Variants in RYR3 observed in about 807,000 individuals in gnomAD.
RYR3 encodes ryanodine receptor 3, also known as brain ryanodine receptor-calcium release channel.
Under a neutral mutation model 584.3 loss-of-function variants are expected in RYR3, and 207 were observed. The ratio of observed to expected loss-of-function variants is 0.35; its 90% confidence interval spans 0.32 to 0.40. The LOEUF (loss-of-function observed/expected upper bound fraction) is 0.40. Ranked by LOEUF, RYR3 falls within the 10% of genes least tolerant of loss-of-function variation. The probability of loss-of-function intolerance (pLI) is 1.00; values close to 1 mark genes in which losing one functional copy is unlikely to be tolerated. For synonymous variants in RYR3, 2,416 were observed against 2,248.5 expected (o/e 1.07, Z -2.11); for missense variants, 5,616 against 6,089.2 (o/e 0.92, Z 2.59).
intron 1 of RYR3, among the ~76,000 whole-genome samples, chr15:33,419,520 A>G (rs934167019): frequency 3.9e-5 from 6 of 151,972 alleles, no homozygotes; most frequent in Non-Finnish European, 5.9e-5. Context: ...TTTATTTTTA[A>G]TCTGTATGCT....
chr15:33,826,559 T>C, intron 83 of RYR3, 113 bp from the exon 84 acceptor site: 1 of 1,026,694 alleles, frequency 9.7e-7, no homozygotes, highest in Non-Finnish European at 1.5e-6. Context: ...CCAAAGTTCC[T>C]TTTCCAAACC....
chr15:33,328,884 C>T (rs75869793), intron 1 of RYR3, among the ~76,000 whole-genome samples: 1,863 of 152,280 alleles, frequency 0.012, 107 homozygotes, highest in East Asian at 0.12. Flanking sequence ...TCCTCTTTCT[C>T]CCCCTTTTCC....
chr15:33,437,891 T>G (rs550428613), intron 1 of RYR3, among the ~76,000 whole-genome samples: 4 of 152,266 alleles, frequency 2.6e-5, no homozygotes, highest in Admixed American at 2.0e-4. Flanking sequence ...CCTGGCTATT[T>G]TTTAAATTTT....
At chr15:33,805,711 T>C (rs1174180570) in intron 69 of RYR3, among the ~76,000 whole-genome samples, 3 of 151,684 alleles carry the variant, frequency 2.0e-5, no homozygotes, top group South Asian at 2.1e-4. Context: ...TCTCCTGACG[T>C]CATGATCCGC....
chr15:33,374,429 C>A (rs1595889160), intron 1 of RYR3, among the ~76,000 whole-genome samples: 4 of 151,982 alleles, frequency 2.6e-5, no homozygotes, highest in Admixed American at 6.5e-5. Context: ...CCCACACACA[C>A]CCACACGCAT....
chr15:33,463,520 GA>G (rs1231034343), intron 1 of RYR3, among the ~76,000 whole-genome samples: 1 of 152,038 alleles, frequency 6.6e-6, no homozygotes, highest in Non-Finnish European at 1.5e-5. Context: ...TATGAGAATA[GA>G]AAACTTAAAC....
At chr15:33,654,940 G>C (rs1039774359) in intron 32 of RYR3, among the ~76,000 whole-genome samples, 1 of 152,252 alleles carries the variant, frequency 6.6e-6, no homozygotes, top group Non-Finnish European at 1.5e-5. Flanking sequence ...ACAGCAGACA[G>C]AGTAGCCACC....
At chr15:33,572,654 TATATACACAC>T (rs1260524072) in intron 12 of RYR3, among the ~76,000 whole-genome samples, 9 of 121,158 alleles carry the variant, frequency 7.4e-5, no homozygotes, top group South Asian at 2.8e-4. Context: ...AAAAAAACTA[TATATACACAC>T]ACACACACAC....
At position 33,853,611 on chromosome 15, in the gene RYR3, T is replaced by A; in HGVS notation, c.13728T>A (p.Gly4576=). The change falls in exon 96 of 104, where the codon GGT becomes GGA. Residue 4576 remains glycine, a synonymous_variant. Coordinates refer to ENST00000634891, the MANE Select transcript of RYR3 (RefSeq NM_001036.6). ...YGAERIAELL[G]LDKNALDFSP... ...CAGAACGCATTGCTGAACTTCTGGG[T>A]TTGGACAAAAATGCTCTTGACTTTA... 2 of 1,613,960 alleles carry A rather than the reference T, an allele frequency of 1.2e-6. No individual in the cohort carries two copies. Among genetic ancestry groups the A allele is most frequent in the Non-Finnish European group, 1.7e-6 (2 of 1,179,890 alleles).
At chr15:33,584,689 C>T (rs2058755500) in intron 15 of RYR3, among the ~76,000 whole-genome samples, 199 bp downstream of exon 15, 1 of 152,060 alleles carries the variant, frequency 6.6e-6, no homozygotes, top group African/African-American at 2.4e-5. Flanking sequence ...CAGACTTCAA[C>T]AATCCTTCCT....
chr15:33,766,288 G>GAAAAAAAAAAA (rs66478931), intron 60 of RYR3, among the ~76,000 whole-genome samples: 18 of 133,922 alleles, frequency 1.3e-4, no homozygotes, highest in South Asian at 7.0e-4. Context: ...ACCTCAAAAA[G>GAAAAAAAAAAA]AAAAAAAAAA....
chr15:33,375,177 G>A (rs1048109144), intron 1 of RYR3, among the ~76,000 whole-genome samples: 7 of 152,168 alleles, frequency 4.6e-5, no homozygotes, highest in South Asian at 2.1e-4. Flanking sequence ...TCTGTAAAAT[G>A]AGAGTAGTAA....
At chr15:33,857,417 C>G (rs1182440426) in intron 98 of RYR3, among the ~76,000 whole-genome samples, 1 of 151,990 alleles carries the variant, frequency 6.6e-6, no homozygotes, top group Non-Finnish European at 1.5e-5. Context: ...GCGGGCCCAT[C>G]TTAACAACCT....
intron 19 of RYR3, 48 bp from the exon 20 acceptor site, chr15:33,623,759 C>A: frequency 7.6e-7 from 1 of 1,314,168 alleles, no homozygotes; most frequent in South Asian, 1.2e-5. Flanking sequence ...ATTTGGGCTG[C>A]ATTGTTTTTT....
intron 67 of RYR3, among the ~76,000 whole-genome samples, chr15:33,794,318 T>TATAATATATGTTATATATATATAAAC (rs1555460331): frequency 1.2e-4 from 11 of 93,584 alleles, no homozygotes; most frequent in East Asian, 1.4e-3. Context: ...TTTATATATA[T>TATAATATATGTTATATATATATAAAC]ATATTTTTAT....
At chr15:33,835,386 A>G (rs2077975551) in intron 87 of RYR3, among the ~76,000 whole-genome samples, 1 of 152,002 alleles carries the variant, frequency 6.6e-6, no homozygotes. Flanking sequence ...CATTTCGTCA[A>G]CTTACAAACA....
chr15:33,399,713 C>G (rs1231836987), intron 1 of RYR3, among the ~76,000 whole-genome samples: 1 of 152,078 alleles, frequency 6.6e-6, no homozygotes, highest in Non-Finnish European at 1.5e-5. Flanking sequence ...CTCCTCAACA[C>G]CCCCAGGCAA....
chr15:33,523,899 G>T (rs1252673831), intron 3 of RYR3, among the ~76,000 whole-genome samples: 2 of 152,034 alleles, frequency 1.3e-5, no homozygotes, highest in Non-Finnish European at 2.9e-5. Context: ...GCGTTTCCGT[G>T]TAACACCAAG....
At chr15:33,338,397 A>G (rs56405347) in intron 1 of RYR3, among the ~76,000 whole-genome samples, 4,894 of 152,246 alleles carry the variant, frequency 0.032, 86 homozygotes, top group Non-Finnish European at 0.037. Flanking sequence ...TTTACATAAG[A>G]TGACATAAAA....
Sources: gnomAD v4.1 joint callset for allele counts (sites outside exome capture counted in the v4.1 genomes callset) on GRCh38, gnomAD v4.1.1 for gene constraint, MANE v1.5 for transcripts, NCBI Gene and HGNC (gene_info 2026-07-23, HGNC 2026-07-21) for gene names.